Variants in TRIM77 observed in about 807,000 individuals in gnomAD.
TRIM77 encodes tripartite motif-containing protein 77.
In TRIM77, 23 loss-of-function variants were observed where a neutral mutation model predicts 31.8. The ratio of observed to expected loss-of-function variants is 0.72; its 90% CI spans 0.52 to 1.02. The LOEUF (loss-of-function observed/expected upper bound fraction) is 1.02. Among genes scored for constraint, TRIM77 ranks in the 50% least tolerant of loss-of-function variants. TRIM77 has a pLI of 0.00. For missense variants in TRIM77, 446 were observed against 539.2 expected (o/e 0.83, Z 1.71); for synonymous variants, 159 against 183.1 (o/e 0.87, Z 1.06).
At position 89,710,688 on chromosome 11, in the gene TRIM77, G is replaced by A. The variant is rs1253203567; in HGVS notation, c.390G>A (p.Arg130=). Residue 130 remains arginine (R), a synonymous_variant, in exon 1 of 6, where the codon AGG becomes AGA. Coordinates refer to ENST00000398290, the MANE Select transcript of TRIM77 (RefSeq NM_001146162.1). ...CTACTCACAAACACTATATGACAAG[G>A]GAGGCTGATGAATACTATAGGGTAA... ...RHATHKHYMT[R]EADEYYRKKL... The A allele has an allele frequency of 3.2e-6, 5 of 1,546,002 alleles. No individual in the cohort carries two copies. The highest frequency in any genetic ancestry group is 2.4e-5 in the East Asian group (1 of 40,842).
intron 5 of TRIM77, among the ~76,000 whole-genome samples, chr11:89,717,130 G>A (rs373223064): frequency 3.3e-5 from 5 of 152,114 alleles, no homozygotes; most frequent in African/African-American, 9.6e-5. Context: ...GTGGTATGCC[G>A]GACCCAGTTA....
rs776812665 is a variant in TRIM77 at position 89,711,522 on chromosome 11, T to C, written c.507+17T>C. 1 of 1,392,948 alleles carries C rather than the reference T, an allele frequency of 7.2e-7. No homozygotes were observed. Among genetic ancestry groups the C allele is most frequent in the African/African-American group, 1.5e-5 (1 of 67,532 alleles). The allele number at this position is 1,392,948 out of a possible 1,614,324, so 86.3% of individuals were successfully genotyped here. A position where few individuals can be genotyped will look rare whatever the true frequency, so the allele number is the denominator to read the frequency against. ...ACATGGGAAGTAAGCAGTAAGCTCA[T>C]TTCTCTCAGAACCAGTTTGGAATAG... On this transcript the variant is annotated intron_variant, in intron 2 of 5. Coordinates refer to ENST00000398290, the MANE Select transcript of TRIM77 (RefSeq NM_001146162.1).
chr11:89,715,496 G>C (rs943941484), intron 4 of TRIM77, among the ~76,000 whole-genome samples: 2 of 152,152 alleles, frequency 1.3e-5, no homozygotes, highest in African/African-American at 4.8e-5. Context: ...GGCAGCTGAT[G>C]GAAAGATGGT....
chr11:89,710,397 A>C lies in TRIM77; in HGVS notation c.99A>C (p.Arg33Ser), dbSNP rs1949113664. Residue 33 changes from arginine to serine, a missense_variant, in exon 1 of 6, where the codon AGA (arginine) becomes AGC (serine). Physicochemically the swap from Arg to Ser is moderately radical, Grantham distance 110. Around this residue, in one of 3 missense-constraint regions of TRIM77, gnomAD observed 72 missense variants for 64.7 expected, o/e 1.11. Coordinates refer to ENST00000398290, the MANE Select transcript of TRIM77 (RefSeq NM_001146162.1). ...TDPVTICCGH[R>S]FCSPCLCLLW... ...CTGTCACCATTTGTTGTGGGCACAG[A>C]TTTTGTAGTCCCTGTCTCTGCCTCT... The C allele has an allele frequency of 6.4e-7, 1 of 1,551,836 alleles. No homozygotes were observed. The highest frequency in any genetic ancestry group is 2.0e-5 in the Admixed American group (1 of 50,988).
At chr11:89,716,454 C>G (rs1949161600) in intron 5 of TRIM77, among the ~76,000 whole-genome samples, 1 of 152,092 alleles carries the variant, frequency 6.6e-6, no homozygotes, top group Non-Finnish European at 1.5e-5. Context: ...AGCAGAAAAA[C>G]AAGTTTGTAA....
intron 4 of TRIM77, 144 bp from the exon 5 acceptor site, chr11:89,715,746 G>A: frequency 1.8e-6 from 1 of 558,768 alleles, no homozygotes. Context: ...GTAAAATACA[G>A]TTACAATTGC....
chr11:89,716,433 G>A (rs948927339), intron 5 of TRIM77, among the ~76,000 whole-genome samples: 1 of 152,138 alleles, frequency 6.6e-6, no homozygotes, highest in African/African-American at 2.4e-5. Context: ...AAAAACCACA[G>A]GATTCTCAAA....
chr11:89,714,256 G>C lies in TRIM77; in HGVS notation c.572G>C (p.Arg191Pro). 1 of 1,551,616 alleles carries C rather than the reference G, an allele frequency of 6.4e-7. No homozygotes were observed. Among genetic ancestry groups the C allele is most frequent in the Non-Finnish European group, 8.7e-7 (1 of 1,146,986 alleles). Residue 191 changes from arginine to proline, a missense_variant, in exon 3 of 6, where the codon CGT becomes CCT. Arg to Pro is a moderately radical substitution (Grantham distance 103). Around this residue, in one of 3 missense-constraint regions of TRIM77, gnomAD observed 366 missense variants for 447.9 expected, o/e 0.82. Coordinates refer to ENST00000398290, the MANE Select transcript of TRIM77 (RefSeq NM_001146162.1). ...AEYPKVCQYL[R>P]EEEQKHVESL... ...TATCCTAAGGTGTGTCAATACCTCC[G>C]TGAAGAAGAGCAAAAGCACGTAGAG...
At chr11:89,713,602 A>C (rs1949139577) in intron 2 of TRIM77, among the ~76,000 whole-genome samples, 1 of 151,824 alleles carries the variant, frequency 6.6e-6, no homozygotes, top group Admixed American at 6.6e-5. Context: ...GAGACAGAGA[A>C]ATGGAGCCAG....
Position 89,710,305 on chromosome 11 carries a change from T to G in TRIM77, c.7T>G (p.Ser3Ala), listed in dbSNP as rs191318222. The change falls in exon 1 of 6, where the codon TCT becomes GCT. Residue 3 changes from serine to alanine, a missense_variant. Around this residue, in one of 3 missense-constraint regions of TRIM77, gnomAD observed 72 missense variants for 64.7 expected, o/e 1.11. Coordinates refer to ENST00000398290, the MANE Select transcript of TRIM77 (RefSeq NM_001146162.1). ...CTTTTATTTCCTCAGAAACATGGCT[T>G]CTGCTATCACGCAGTGTTCTACCAG... is the stretch of plus-strand genomic sequence containing the variant. Reference protein sequence around the residue: MASAITQCSTSEL... With the variant: MAAAITQCSTSEL... 6.5e-5 allele frequency: 99 copies of G among 1,516,638 alleles called. 1 individual carries two copies. In the Middle Eastern group the frequency reaches 6.8e-3, roughly 105 times the overall value. The allele number at this position is 1,516,638 out of a possible 1,614,324, so 93.9% of individuals were successfully genotyped here.
chr11:89,715,024 T>C lies in TRIM77; in HGVS notation c.739-134T>C, dbSNP rs531453802. The C allele has an allele frequency of 5.1e-5, 38 of 742,300 alleles. No homozygotes were observed. The East Asian group carries it at 9.3e-4, about 18-fold the overall frequency. 46.0% of individuals were successfully genotyped at this position (742,300 alleles called of 1,614,324 possible). On this transcript the variant is annotated intron_variant, in intron 3 of 5. Coordinates refer to ENST00000398290, the MANE Select transcript of TRIM77 (RefSeq NM_001146162.1). ...TTATAAAGAAAAAGAAAATGAAAAA[T>C]GCCTTTATCCAAAGAAGGAAAGTGG...
At chr11:89,716,807 G>A (rs1210235265) in intron 5 of TRIM77, among the ~76,000 whole-genome samples, 2 of 151,972 alleles carry the variant, frequency 1.3e-5, no homozygotes, top group African/African-American at 4.8e-5. Flanking sequence ...CAGTGTCATA[G>A]CTTAAGTATA....
chr11:89,710,772 G>A (rs566232553), intron 1 of TRIM77, 63 bp downstream of exon 1: 79 of 1,237,530 alleles, frequency 6.4e-5, no homozygotes, highest in South Asian at 5.9e-4. Context: ...CAGGTAATAC[G>A]GAAAGATATA....
intron 2 of TRIM77, among the ~76,000 whole-genome samples, chr11:89,711,875 T>C (rs1949125014): frequency 6.6e-6 from 1 of 152,124 alleles, no homozygotes. Flanking sequence ...CTGATGCTAA[T>C]GTGTTAGTAA....
intron 2 of TRIM77, among the ~76,000 whole-genome samples, 190 bp from the exon 3 acceptor site, chr11:89,714,002 T>C (rs1591484921): frequency 1.3e-5 from 2 of 152,008 alleles, no homozygotes; most frequent in Admixed American, 6.6e-5. Context: ...GGAAAGTAGA[T>C]GGAGTGATGC....
Position 89,717,524 on chromosome 11 carries a change from C to T in TRIM77, c.1005C>T (p.Ile335=). ...TQYTSSWGAQ[I]LSSGKHYWEV... is the part of the protein sequence containing the mutation. The stretch of plus-strand genomic sequence containing the variant: ...ATACTTCTTCATGGGGAGCTCAGAT[C>T]CTCAGCTCTGGCAAACATTACTGGG... The change falls in exon 6 of 6, where the codon ATC becomes ATT. Residue 335 remains isoleucine, a synonymous_variant. Transcript: ENST00000398290. 1 of 1,551,518 alleles carries T rather than the reference C, an allele frequency of 6.4e-7. No homozygotes were observed. The highest frequency in any genetic ancestry group is 8.7e-7 in the Non-Finnish European group (1 of 1,146,904).
chr11:89,714,073 G>A (rs1949143546), intron 2 of TRIM77, 119 bp from the exon 3 acceptor site: 1 of 671,808 alleles, frequency 1.5e-6, no homozygotes, highest in African/African-American at 1.8e-5. Flanking sequence ...ATTTGAAGTG[G>A]AAAAGCATTA....
chr11:89,710,829 T>G, intron 1 of TRIM77, 120 bp downstream of exon 1: 1 of 888,640 alleles, frequency 1.1e-6, no homozygotes, highest in East Asian at 2.7e-5. Flanking sequence ...ACAAACAGAA[T>G]TGCTTATGAC....
chr11:89,716,847 GT>G (rs139277955), intron 5 of TRIM77, among the ~76,000 whole-genome samples: 45,575 of 151,470 alleles, frequency 0.3, 7,407 homozygotes, highest in Middle Eastern at 0.4. Flanking sequence ...TTTTTAGTAT[GT>G]TTTTTTATTT....
Sources: allele counts gnomAD v4.1 joint callset (sites outside exome capture counted in the v4.1 genomes callset), GRCh38; gene constraint gnomAD v4.1.1; regional missense constraint gnomAD v4.1.1; transcripts MANE v1.5; gene names NCBI Gene and HGNC (gene_info 2026-07-23, HGNC 2026-07-21).